LCP1: variants seen among roughly 807,000 people sequenced by gnomAD.
LCP1 encodes plastin-2.
LCP1 carries 23 observed loss-of-function variants against 72.0 expected under a neutral mutation model. The observed-to-expected ratio is 0.32, with a 90% confidence interval of 0.23 to 0.45. The LOEUF (loss-of-function observed/expected upper bound fraction) is 0.45, where lower values mean the gene tolerates loss of function less well. Ranked by LOEUF, LCP1 falls within the 20% of genes least tolerant of loss-of-function variation. The pLI is 1.00. For missense variants in LCP1, 571 were observed against 748.3 expected, an observed-to-expected ratio of 0.76 and a Z score of 2.76; for synonymous variants, 245 against 275.4, an observed-to-expected ratio of 0.89 and a Z score of 1.09.
At chr13:46,174,900 G>A (rs960566410) in intron 1 of LCP1, among the ~76,000 whole-genome samples, 3 of 151,118 alleles carry the variant, frequency 2.0e-5, no homozygotes, top group Admixed American at 1.3e-4. Flanking sequence ...CAATAATCAT[G>A]GAAACACAAA....
rs890318126 is a variant in LCP1, at chr13:46,126,123, T to C, written c.*1468A>G. 2.8e-5 allele frequency: 6 copies of C among 217,546 alleles called. No individual in the cohort carries two copies. The highest frequency in any genetic ancestry group is 1.3e-4 in the African/African-American group (6 of 44,454). 13.5% of individuals were successfully genotyped at this position (217,546 alleles called of 1,614,324 possible). ...TTATGGGCTGGGAGGAGCCACATGT[T>C]GGCTTTCTGAGTCCACTGCCAAGGA... is the stretch of plus-strand genomic sequence containing the variant. On this transcript the variant is annotated 3_prime_UTR_variant, in exon 16 of 16. Transcript: ENST00000323076.
At chr13:46,133,568 G>A (rs1029048958) in intron 14 of LCP1, among the ~76,000 whole-genome samples, 2 of 152,060 alleles carry the variant, frequency 1.3e-5, no homozygotes, top group Admixed American at 1.3e-4. Flanking sequence ...TGAGGCTGCA[G>A]TGAGCCACAA....
intron 13 of LCP1, among the ~76,000 whole-genome samples, chr13:46,137,194 T>C (rs190867336): frequency 1.1e-4 from 16 of 145,244 alleles, no homozygotes; most frequent in Non-Finnish European, 2.1e-4. Flanking sequence ...AGACACCCAC[T>C]TGTAAGTAAA....
In LCP1 at chr13:46,145,782, G is replaced by A. The variant is rs28440075; in HGVS notation, c.1174+1126C>T. Among the ~76,000 whole-genome samples, 3 of 115,278 alleles carry A rather than the reference G, an allele frequency of 2.6e-5. 1 individual carries two copies. The highest frequency in any genetic ancestry group is 1.8e-4 in the Admixed American group (2 of 10,850). 75.6% of individuals were successfully genotyped at this position (115,278 alleles called of 152,430 possible). Reference sequence around the variant, plus strand: ...AAATTAGCCGGGCGTAGTGGCGGGCGCCTGTAGTCCCAGCTACTTGGGAGG... The same window carrying A: ...AAATTAGCCGGGCGTAGTGGCGGGCACCTGTAGTCCCAGCTACTTGGGAGG... On this transcript the variant is annotated intron_variant, in intron 10 of 15. Transcript: ENST00000323076.
chr13:46,165,539 C>T (rs1431570855), intron 1 of LCP1, among the ~76,000 whole-genome samples: 2 of 152,128 alleles, frequency 1.3e-5, no homozygotes, highest in Non-Finnish European at 2.9e-5. Context: ...TATACAGATA[C>T]TGCTGCAGTA....
chr13:46,170,851 C>T (rs1214399998), intron 1 of LCP1, among the ~76,000 whole-genome samples: 8 of 152,046 alleles, frequency 5.3e-5, no homozygotes, highest in African/African-American at 1.9e-4. Context: ...TAGAATACAG[C>T]GAAACTTTTT....
chr13:46,171,818 C>T (rs977386141), intron 1 of LCP1, among the ~76,000 whole-genome samples: 43 of 152,362 alleles, frequency 2.8e-4, no homozygotes, highest in Middle Eastern at 3.4e-3. Flanking sequence ...CAATGGTGTG[C>T]GTCCAATTAT....
intron 12 of LCP1, 55 bp from the exon 13 acceptor site, chr13:46,142,480 A>G (rs774576290): frequency 2.6e-4 from 398 of 1,547,946 alleles, no homozygotes; most frequent in Non-Finnish European, 3.4e-4. Context: ...TATGATAAAT[A>G]CCAGATAAAT....
intron 11 of LCP1, among the ~76,000 whole-genome samples, chr13:46,143,792 C>T (rs181013284): frequency 2.1e-3 from 324 of 152,322 alleles, no homozygotes; most frequent in Non-Finnish European, 3.4e-3. Context: ...TTAGAACGGG[C>T]GCAGTGGCTC....
chr13:46,159,138 C>T (rs2045822205), intron 2 of LCP1, 149 bp from the exon 3 acceptor site: 1 of 695,740 alleles, frequency 1.4e-6, no homozygotes, highest in South Asian at 1.8e-5. Flanking sequence ...CAGAATCTCA[C>T]AAGATGACTG....
intron 5 of LCP1, 69 bp from the exon 6 acceptor site, chr13:46,154,955 A>C: frequency 8.9e-7 from 1 of 1,126,340 alleles, no homozygotes; most frequent in Middle Eastern, 2.1e-4. Flanking sequence ...CGTTGAATTT[A>C]AATTCTAGCA....
intron 2 of LCP1, 108 bp from the exon 3 acceptor site, chr13:46,159,097 C>A: frequency 9.9e-7 from 1 of 1,011,150 alleles, no homozygotes; most frequent in South Asian, 1.4e-5. Flanking sequence ...GGCTATCATT[C>A]AGACATTAAG....
At chr13:46,154,752 T>C in intron 6 of LCP1, 53 bp downstream of exon 6, 1 of 1,450,676 alleles carries the variant, frequency 6.9e-7, no homozygotes, top group Non-Finnish European at 9.7e-7. Context: ...GCAGTTATGA[T>C]GCTCATTGAT....
At chr13:46,157,031 A>G (rs1243059489) in intron 4 of LCP1, among the ~76,000 whole-genome samples, 2 of 152,014 alleles carry the variant, frequency 1.3e-5, no homozygotes, top group African/African-American at 4.8e-5. Context: ...CGTGTTAGCC[A>G]GGATGGTCTC....
chr13:46,160,324 A>C (rs1209663516), intron 1 of LCP1, among the ~76,000 whole-genome samples: 1 of 152,234 alleles, frequency 6.6e-6, no homozygotes, highest in Non-Finnish European at 1.5e-5. Flanking sequence ...AGAACAGAGA[A>C]GACAAAACGA....
In LCP1 at chr13:46,126,596, C is replaced by T. The variant is rs1298030445; in HGVS notation, c.*995G>A. ...TATGGCCTGACAACAATCAGATATG[C>T]TAAGCTCTAGAAGCAAAAGCAAGGT... On this transcript the variant is annotated 3_prime_UTR_variant, in exon 16 of 16. Coordinates refer to ENST00000323076, the MANE Select transcript of LCP1 (RefSeq NM_002298.5). 8.6e-6 allele frequency: 2 copies of T among 231,680 alleles called. No homozygotes were observed. Among genetic ancestry groups the T allele is most frequent in the Non-Finnish European group, 1.7e-5 (2 of 116,980 alleles). 14.4% of individuals were successfully genotyped at this position (231,680 alleles called of 1,614,324 possible).
At chr13:46,140,434 T>C (rs1010683300) in intron 13 of LCP1, among the ~76,000 whole-genome samples, 11 of 152,326 alleles carry the variant, frequency 7.2e-5, no homozygotes, top group African/African-American at 2.6e-4. Context: ...AAGACCATTT[T>C]CTCATTACTA....
At chr13:46,149,626 A>G (rs189942153) in intron 8 of LCP1, among the ~76,000 whole-genome samples, 112 of 152,374 alleles carry the variant, frequency 7.4e-4, no homozygotes, top group African/African-American at 2.6e-3. Context: ...ACATGACAGC[A>G]CGGAGTCAGT....
At position 46,147,045 on chromosome 13, in the gene LCP1, C is replaced by G. The variant is rs1231096578; in HGVS notation, c.1037G>C (p.Cys346Ser). ...ATCTGTGGCTGTGACAAACTGCCGG[C>G]AGCCCAGCCTCTCCGCCTGCTGCAG... ...CMLQQAERLG[C>S]RQFVTATDVV... Residue 346 changes from cysteine to serine, a missense_variant, in exon 10 of 16, where the codon TGC (cysteine) becomes TCC (serine). Physicochemically the swap from Cys to Ser is moderately radical, Grantham distance 112 (BLOSUM62 -1). Coordinates refer to ENST00000323076, the MANE Select transcript of LCP1 (RefSeq NM_002298.5). The G allele has an allele frequency of 5.6e-6, 9 of 1,613,194 alleles. No homozygotes were observed. The highest frequency in any genetic ancestry group is 1.3e-5 in the African/African-American group (1 of 74,874).
Sources: gnomAD v4.1 joint callset for allele counts (sites outside exome capture counted in the v4.1 genomes callset) on GRCh38, gnomAD v4.1.1 for gene constraint, MANE v1.5 for transcripts, NCBI Gene and HGNC (gene_info 2026-07-23, HGNC 2026-07-21) for gene names.